PACS1: variants seen among roughly 807,000 people sequenced by gnomAD.
PACS1 encodes phosphofurin acidic cluster sorting protein 1, also known as PACS-1.
A neutral mutation model predicts 115.0 loss-of-function variants in PACS1; 24 were observed. The observed-to-expected ratio is 0.21, with a 90% CI of 0.15 to 0.29. PACS1 has a LOEUF of 0.29. PACS1 is among the 10% of genes least tolerant of loss of function. PACS1 has a pLI of 1.00. For missense variants in PACS1, 838 were observed against 1,251.2 expected (o/e 0.67, Z 4.98); for synonymous variants, 453 against 504.5 (o/e 0.90, Z 1.37).
chr11:66,076,922 A>G (rs1301710011), intron 1 of PACS1, among the ~76,000 whole-genome samples: 3 of 152,194 alleles, frequency 2.0e-5, no homozygotes, highest in Non-Finnish European at 4.4e-5. Flanking sequence ...TTGGACTTAG[A>G]ACTTCTTTCA....
intron 1 of PACS1, among the ~76,000 whole-genome samples, chr11:66,091,685 C>T (rs1857669112): frequency 6.6e-6 from 1 of 151,382 alleles, no homozygotes; most frequent in Admixed American, 6.6e-5. Context: ...TCCCACCCCA[C>T]AACAGTCCCC....
chr11:66,114,712 T>G (rs896265890), intron 1 of PACS1, among the ~76,000 whole-genome samples: 1 of 152,186 alleles, frequency 6.6e-6, no homozygotes, highest in African/African-American at 2.4e-5. Context: ...TACTGTAATG[T>G]TAGAACTACA....
intron 1 of PACS1, among the ~76,000 whole-genome samples, chr11:66,113,185 A>G (rs1858225667): frequency 6.6e-6 from 1 of 152,248 alleles, no homozygotes; most frequent in African/African-American, 2.4e-5. Flanking sequence ...ACTTTATTGT[A>G]TATAAACTAT....
chr11:66,223,398 T>A (rs917553956), intron 10 of PACS1, among the ~76,000 whole-genome samples: 73 of 148,674 alleles, frequency 4.9e-4, no homozygotes, highest in African/African-American at 1.5e-3. Context: ...CCGGCCTATT[T>A]TTTTTTTTTT....
chr11:66,120,741 T>C (rs780349814), intron 1 of PACS1, among the ~76,000 whole-genome samples: 4 of 152,190 alleles, frequency 2.6e-5, no homozygotes, highest in Non-Finnish European at 5.9e-5. Context: ...AAATTACCCA[T>C]GTGAAATGCT....
intron 2 of PACS1, among the ~76,000 whole-genome samples, chr11:66,204,632 G>A (rs1854890581): frequency 6.6e-6 from 1 of 152,114 alleles, no homozygotes; most frequent in South Asian, 2.1e-4. Flanking sequence ...AAAAAAGAAT[G>A]AGTTCCTGTC....
chr11:66,231,888 C>A (rs1370788998), intron 13 of PACS1: 1 of 327,864 alleles, frequency 3.1e-6, no homozygotes, highest in African/African-American at 2.1e-5. Context: ...TTCCCATCCG[C>A]GAGGCTTGCT....
intron 1 of PACS1, among the ~76,000 whole-genome samples, chr11:66,098,049 C>T (rs573455944): frequency 1.6e-4 from 24 of 152,106 alleles, no homozygotes; most frequent in African/African-American, 4.1e-4. Context: ...TGGTGGTGGG[C>T]GCCTGTAGTC....
At chr11:66,241,265 T>A (rs992602672) in intron 21 of PACS1, 162 bp from the exon 22 acceptor site, 2 of 566,620 alleles carry the variant, frequency 3.5e-6, no homozygotes, top group African/African-American at 3.8e-5. Flanking sequence ...TCAGCCTGAT[T>A]CTCCTCTCCT....
At chr11:66,200,618 A>G (rs1247008649) in intron 2 of PACS1, among the ~76,000 whole-genome samples, 1 of 152,196 alleles carries the variant, frequency 6.6e-6, no homozygotes, top group East Asian at 1.9e-4. Context: ...GTAAATATAT[A>G]TGCACCTAAC....
chr11:66,105,793 G>A (rs553929288), intron 1 of PACS1, among the ~76,000 whole-genome samples: 19 of 152,310 alleles, frequency 1.2e-4, no homozygotes, highest in African/African-American at 4.6e-4. Flanking sequence ...AGGCTTTATG[G>A]ATAGATATTC....
chr11:66,239,158 T>C lies in PACS1; in HGVS notation c.2310T>C (p.Ser770=). The change falls in exon 21 of 24, where the codon TCT becomes TCC. Residue 770 remains serine (S), a synonymous_variant. Transcript: ENST00000320580. ...SPSTAGDGDD[S]PVVSLTVPST... ...CCCTGACAGGCGATGGGGACGATTCTCCTGTGGTCAGCCTTACTGTGCCCT... is the reference window on the plus strand; with the variant it reads ...CCCTGACAGGCGATGGGGACGATTCCCCTGTGGTCAGCCTTACTGTGCCCT... The C allele has an allele frequency of 6.2e-7, 1 of 1,614,154 alleles. No homozygotes were observed. The highest frequency in any genetic ancestry group is 8.5e-7 in the Non-Finnish European group (1 of 1,180,010).
chr11:66,159,844 C>T (rs1431586558), intron 1 of PACS1, among the ~76,000 whole-genome samples: 4 of 152,110 alleles, frequency 2.6e-5, no homozygotes, highest in African/African-American at 7.2e-5. Flanking sequence ...GCTCATCCAG[C>T]GGGAGAGGGA....
At chr11:66,227,705 A>G (rs1855495077) in intron 11 of PACS1, 121 bp downstream of exon 11, 2 of 625,178 alleles carry the variant, frequency 3.2e-6, no homozygotes, top group Non-Finnish European at 5.7e-6. Flanking sequence ...AGGCTTATGA[A>G]TGTCCTGCAC....
chr11:66,222,403 C>T (rs1169356951), intron 10 of PACS1, among the ~76,000 whole-genome samples: 1 of 152,126 alleles, frequency 6.6e-6, no homozygotes, highest in African/African-American at 2.4e-5. Flanking sequence ...CAGCCGGAGC[C>T]ACGACCTGGG....
chr11:66,151,258 T>G (rs759369906), intron 1 of PACS1, among the ~76,000 whole-genome samples: 1 of 151,096 alleles, frequency 6.6e-6, no homozygotes, highest in Non-Finnish European at 1.5e-5. Context: ...AGATGAGATC[T>G]GTGAGGTTCA....
At chr11:66,209,396 G>A (rs111313791) in intron 2 of PACS1, among the ~76,000 whole-genome samples, 35 of 151,740 alleles carry the variant, frequency 2.3e-4, no homozygotes, top group African/African-American at 8.2e-4. Flanking sequence ...GAAGTTCCTG[G>A]GAAAAAAAAG....
chr11:66,158,349 T>G lies in PACS1; in HGVS notation c.357-35137T>G, dbSNP rs539401227. Among the ~76,000 whole-genome samples, 3 of 152,360 alleles carry G rather than the reference T, an allele frequency of 2.0e-5. No individual in the cohort carries two copies. The East Asian group carries it at 5.8e-4, about 29-fold the overall frequency. ...GCAGGATGCCATGTAAAGGAACTAT[T>G]CAAGAATGTTCTTGAGAATTGAAAA... On this transcript the variant is annotated intron_variant, in intron 1 of 23. Coordinates refer to ENST00000320580, the MANE Select transcript of PACS1 (RefSeq NM_018026.4).
intron 1 of PACS1, among the ~76,000 whole-genome samples, chr11:66,080,067 C>T (rs1037167534): frequency 3.3e-5 from 5 of 152,214 alleles, no homozygotes; most frequent in Non-Finnish European, 7.3e-5. Context: ...CACCTACTCG[C>T]CATTACTGGA....
Sources: allele counts gnomAD v4.1 joint callset (sites outside exome capture counted in the v4.1 genomes callset), GRCh38; gene constraint gnomAD v4.1.1; transcripts MANE v1.5; gene names NCBI Gene and HGNC (gene_info 2026-07-23, HGNC 2026-07-21).